ITGAE: variants seen among roughly 807,000 people sequenced by gnomAD.
ITGAE encodes integrin subunit alpha E.
Under a neutral mutation model 136.5 loss-of-function variants are expected in ITGAE, and 99 were observed. The observed-to-expected ratio is 0.73, with a 90% CI of 0.62 to 0.86. The LOEUF (loss-of-function observed/expected upper bound fraction) is 0.86, where lower values mean the gene tolerates loss of function less well. Among genes scored for constraint, ITGAE ranks in the 40% least tolerant of loss-of-function variants. The probability of loss-of-function intolerance (pLI) is 0.00; values close to 1 mark genes in which losing one functional copy is unlikely to be tolerated. For synonymous variants in ITGAE, 613 were observed against 591.8 expected (o/e 1.04, Z -0.52); for missense variants, 1,447 against 1,515.3 (o/e 0.95, Z 0.75).
intron 28 of ITGAE, chr17:3,722,575 G>C (rs1597295549): frequency 6.6e-6 from 1 of 152,184 alleles, no homozygotes; most frequent in South Asian, 2.1e-4. Flanking sequence ...GTCAAGCAAA[G>C]GAACAGCAAG....
At chr17:3,739,573 A>G (rs1440872366) in intron 20 of ITGAE, among the ~76,000 whole-genome samples, 1 of 152,186 alleles carries the variant, frequency 6.6e-6, no homozygotes, top group African/African-American at 2.4e-5. Flanking sequence ...TGGCCTATGC[A>G]GGGCCCTCGG....
chr17:3,724,516 G>A lies in ITGAE; in HGVS notation c.3085-772C>T, dbSNP rs1178201170. On this transcript the variant is annotated intron_variant, in intron 26 of 30. Transcript: ENST00000263087. The stretch of plus-strand genomic sequence containing the variant: ...GTCATCTCGATCGGCACCTCCGCCT[G>A]TCTGGTTGCAGCCTCAGCCGTCCCG... 17 of 1,614,078 alleles carry A rather than the reference G, an allele frequency of 1.1e-5. No individual in the cohort carries two copies. Among genetic ancestry groups the A allele is most frequent in the Non-Finnish European group, 1.4e-5 (17 of 1,180,030 alleles).
At chr17:3,748,627 A>G (rs1325168128) in intron 16 of ITGAE, among the ~76,000 whole-genome samples, 1 of 152,134 alleles carries the variant, frequency 6.6e-6, no homozygotes, top group East Asian at 1.9e-4. Context: ...ACCGAGGGCT[A>G]CTGAGACTGG....
chr17:3,751,632 G>C lies in ITGAE; in HGVS notation c.1893+18C>G, dbSNP rs752431098. ...TCAGAGCCCCAGAGGAGAGGAAGGA[G>C]AGGGCCCCATGGGTCACCTGCGAGG... is the stretch of plus-strand genomic sequence containing the variant. On this transcript the variant is annotated intron_variant, in intron 15 of 30. Coordinates refer to ENST00000263087, the MANE Select transcript of ITGAE (RefSeq NM_002208.5). 1 of 1,607,622 alleles carries C rather than the reference G, an allele frequency of 6.2e-7. No individual in the cohort carries two copies. Among genetic ancestry groups the C allele is most frequent in the Non-Finnish European group, 8.5e-7 (1 of 1,174,538 alleles).
At chr17:3,726,056 T>A in intron 26 of ITGAE, 1 of 1,614,170 alleles carries the variant, frequency 6.2e-7, no homozygotes, top group Non-Finnish European at 8.5e-7. Context: ...TTTCCATGGA[T>A]GAGGACCTGT....
rs1329107501 is a variant in ITGAE, at chr17:3,753,984, T to A, written c.1385-59A>T. ...GTGTGCTCCCACCTGGCCTCTCTCT[T>A]GGCCCCGGCACCTTCCCAGTCAGGC... is the stretch of plus-strand genomic sequence containing the variant. On this transcript the variant is annotated intron_variant, in intron 12 of 30. Transcript: ENST00000263087. 1.9e-6 allele frequency: 3 copies of A among 1,577,044 alleles called. No homozygotes were observed. The East Asian group carries it at 6.8e-5, about 36-fold the overall frequency.
intron 26 of ITGAE, chr17:3,725,351 T>C (rs763900090): frequency 6.2e-7 from 1 of 1,614,184 alleles, no homozygotes; most frequent in Admixed American, 1.7e-5. Flanking sequence ...AGAAGGGTCC[T>C]GTCCCCTTTA....
intron 18 of ITGAE, among the ~76,000 whole-genome samples, chr17:3,744,772 C>T (rs2051673641): frequency 6.6e-6 from 1 of 152,110 alleles, no homozygotes; most frequent in Non-Finnish European, 1.5e-5. Flanking sequence ...CTCAAAGCAA[C>T]ATGGAGGACA....
In ITGAE at chr17:3,751,827, G is replaced by A. The variant is rs778916415; in HGVS notation, c.1716C>T (p.Phe572=). The change falls in exon 15 of 31, where the codon TTC becomes TTT. Residue 572 remains phenylalanine (F), a synonymous_variant. Transcript: ENST00000263087. ...TGGCAAAGCCAAAGCGGGCATTGGT[G>A]AACCCGGGGTGCCCACTCAGTATGC... ...LARILSGHPG[F]TNARFGFAMA... 1 of 1,614,126 alleles carries A rather than the reference G, an allele frequency of 6.2e-7. No individual in the cohort carries two copies. The highest frequency in any genetic ancestry group is 8.5e-7 in the Non-Finnish European group (1 of 1,179,988).
chr17:3,774,485 C>T (rs1486558506), intron 2 of ITGAE, among the ~76,000 whole-genome samples: 1 of 152,174 alleles, frequency 6.6e-6, no homozygotes, highest in Admixed American at 6.6e-5. Flanking sequence ...ATTTTGGGGC[C>T]AGGTGCGGTG....
chr17:3,724,680 A>G, intron 26 of ITGAE: 1 of 1,614,218 alleles, frequency 6.2e-7, no homozygotes, highest in Non-Finnish European at 8.5e-7. Context: ...CTTTGGCCTT[A>G]TGAACTCAGG....
rs7223226 is a variant in ITGAE, at chr17:3,725,199, A to G, written c.3085-1455T>C. The G allele has an allele frequency of 6.7e-4, 1,087 of 1,614,204 alleles. 10 individuals carry two copies. The African/African-American group carries it at 0.012, about 18-fold the overall frequency. On this transcript the variant is annotated intron_variant, in intron 26 of 30. Transcript: ENST00000263087. ...TGGATCCCTCCTATCAGAATGTTCA[A>G]ACCGGCCTGTCATGAACAGAACAAG...
intron 26 of ITGAE, chr17:3,724,999 G>A (rs770673697): frequency 1.9e-5 from 30 of 1,614,040 alleles, no homozygotes; most frequent in Non-Finnish European, 2.1e-5. Flanking sequence ...CATTCCCACC[G>A]CTTTAAAAAG....
chr17:3,782,215 C>T (rs1194051346), intron 1 of ITGAE, among the ~76,000 whole-genome samples: 8 of 125,976 alleles, frequency 6.4e-5, no homozygotes, highest in Non-Finnish European at 1.3e-4. Context: ...GCACAGGTTG[C>T]GGTGAACTGA....
chr17:3,746,548 C>T (rs34999733), intron 17 of ITGAE, among the ~76,000 whole-genome samples: 10,910 of 151,938 alleles, frequency 0.072, 477 homozygotes, highest in Non-Finnish European at 0.11. Flanking sequence ...CTCCGCCTCC[C>T]GGGTTCACAC....
At chr17:3,776,643 C>T (rs947241287) in intron 2 of ITGAE, among the ~76,000 whole-genome samples, 3 of 152,150 alleles carry the variant, frequency 2.0e-5, no homozygotes, top group East Asian at 3.9e-4. Flanking sequence ...CCTACAGCCT[C>T]GGCCTCCGGG....
intron 20 of ITGAE, among the ~76,000 whole-genome samples, chr17:3,738,580 G>A (rs972797525): frequency 7.2e-5 from 11 of 152,358 alleles, no homozygotes; most frequent in South Asian, 2.1e-4. Flanking sequence ...GATGGAGACA[G>A]GCGGTATCTG....
chr17:3,753,043 C>G (rs2051909348), intron 14 of ITGAE, among the ~76,000 whole-genome samples: 1 of 152,228 alleles, frequency 6.6e-6, no homozygotes, highest in Admixed American at 6.5e-5. Context: ...AGCAAAACTC[C>G]ATCTCAAAAA....
chr17:3,758,716 T>C (rs1239336673), intron 8 of ITGAE, among the ~76,000 whole-genome samples: 2 of 150,870 alleles, frequency 1.3e-5, no homozygotes, highest in African/African-American at 4.9e-5. Context: ...CCTCCCAAAG[T>C]GCTGGGATTA....
Sources: allele counts gnomAD v4.1 joint callset (sites outside exome capture counted in the v4.1 genomes callset), GRCh38; gene constraint gnomAD v4.1.1; transcripts MANE v1.5; gene names NCBI Gene and HGNC (gene_info 2026-07-23, HGNC 2026-07-21).